ITGB1: variants seen among roughly 807,000 people sequenced by gnomAD.
ITGB1 encodes integrin beta-1.
ITGB1 carries 24 observed loss-of-function variants against 86.5 expected under a neutral mutation model. The observed-to-expected ratio is 0.28, with a 90% CI of 0.20 to 0.39. ITGB1 has a LOEUF of 0.39. ITGB1 is among the 10% of genes least tolerant of loss of function. ITGB1 has a pLI of 1.00. For missense variants in ITGB1, 556 were observed against 946.9 expected (o/e 0.59, Z 5.42); for synonymous variants, 323 against 316.8 (o/e 1.02, Z -0.21).
At chr10:32,922,516 A>C (rs952524991) in intron 8 of ITGB1, 124 bp downstream of exon 8, 5 of 760,212 alleles carry the variant, frequency 6.6e-6, no homozygotes, top group Non-Finnish European at 8.6e-6. Flanking sequence ...AATTAATATA[A>C]ACCACTTTTG....
rs927471427 is a variant in ITGB1, at chr10:32,935,898, T to C, written c.1-340A>G. 4.5e-5 allele frequency: 8 copies of C among 178,730 alleles called. No individual in the cohort carries two copies. In the South Asian group the frequency reaches 5.5e-4, roughly 12 times the overall value. 11.1% of individuals were successfully genotyped at this position (178,730 alleles called of 1,614,324 possible). A position where few individuals can be genotyped will look rare whatever the true frequency, so the allele number is the denominator to read the frequency against. On this transcript the variant is annotated intron_variant, in intron 1 of 15. Transcript: ENST00000302278. Reference sequence around the variant, plus strand: ...TCCTCAACACCATAAAACCTACCAATGGTCTCAGCCCATAGAATCTCTATC... The same window carrying C: ...TCCTCAACACCATAAAACCTACCAACGGTCTCAGCCCATAGAATCTCTATC...
rs1259362246 is a variant in ITGB1, at chr10:32,946,762, G to C, written c.1-11204C>G. Among the ~76,000 whole-genome samples, 4 of 55,158 alleles carry C rather than the reference G, an allele frequency of 7.3e-5. No homozygotes were observed. In the South Asian group the frequency reaches 2.5e-3, roughly 34 times the overall value. 36.2% of individuals were successfully genotyped at this position (55,158 alleles called of 152,430 possible). A position where few individuals can be genotyped will look rare whatever the true frequency, so the allele number is the denominator to read the frequency against. ...TGTATGTATTTCTGGGGGGGGGGGG[G>C]GGATTATTTTCCTTTTCTGCAGGTA... On this transcript the variant is annotated intron_variant, in intron 1 of 15. Coordinates refer to ENST00000302278, the MANE Select transcript of ITGB1 (RefSeq NM_002211.4).
chr10:32,907,222 CTT>C (rs578057365), intron 15 of ITGB1: 1 of 437,848 alleles, frequency 2.3e-6, no homozygotes, highest in Non-Finnish European at 4.0e-6. Context: ...CTATAAATGT[CTT>C]TTTTTTTATT....
chr10:32,902,386 A>G (rs957519562), intron 15 of ITGB1, among the ~76,000 whole-genome samples: 5 of 152,026 alleles, frequency 3.3e-5, no homozygotes, highest in African/African-American at 1.2e-4. Flanking sequence ...TTTTAAGCAG[A>G]AAAAAACATA....
chr10:32,950,298 G>T (rs1355661522), intron 1 of ITGB1, among the ~76,000 whole-genome samples: 1 of 152,076 alleles, frequency 6.6e-6, no homozygotes, highest in East Asian at 1.9e-4. Flanking sequence ...CACATAGAGA[G>T]TAATAAAAAC....
chr10:32,950,695 TCCCA>T (rs1307526025), intron 1 of ITGB1, among the ~76,000 whole-genome samples: 2 of 151,946 alleles, frequency 1.3e-5, no homozygotes, highest in Non-Finnish European at 2.9e-5. Context: ...AATTCACCAC[TCCCA>T]CCCAGAAGAA....
intron 13 of ITGB1, among the ~76,000 whole-genome samples, chr10:32,910,756 A>T (rs1220981438): frequency 5.3e-5 from 8 of 150,354 alleles, no homozygotes; most frequent in African/African-American, 1.9e-4. Flanking sequence ...AATCATAATA[A>T]TTTTTTTTTT....
chr10:32,940,084 G>A (rs955959389), intron 1 of ITGB1, among the ~76,000 whole-genome samples: 8 of 152,150 alleles, frequency 5.3e-5, no homozygotes, highest in Admixed American at 6.5e-5. Context: ...GGTGGCTCAC[G>A]CCTGTAATCC....
chr10:32,953,138 T>C (rs1231096520), intron 1 of ITGB1, among the ~76,000 whole-genome samples: 1 of 152,216 alleles, frequency 6.6e-6, no homozygotes, highest in Non-Finnish European at 1.5e-5. Flanking sequence ...CCTTCGCTCA[T>C]ACCATTCCAA....
Position 32,922,664 on chromosome 10 carries a change from A to T in ITGB1, c.1014T>A (p.Thr338=), listed in dbSNP as rs1233458668. The T allele has an allele frequency of 1.3e-6, 2 of 1,599,978 alleles. No individual in the cohort carries two copies. Among genetic ancestry groups the T allele is most frequent in the South Asian group, 1.1e-5 (1 of 90,162 alleles). ...CCTTGTAAACAGGCTGAAATTCTTCAGTAACTGCAAAAATTGTCTGAATAT... is the reference window on the plus strand; with the variant it reads ...CCTTGTAAACAGGCTGAAATTCTTCTGTAACTGCAAAAATTGTCTGAATAT... ...ENNIQTIFAV[T]EEFQPVYKEL... Residue 338 remains threonine, a synonymous_variant, in exon 8 of 16, where the codon ACT becomes ACA. Transcript: ENST00000302278.
intron 11 of ITGB1, among the ~76,000 whole-genome samples, chr10:32,914,052 T>C (rs1354088793): frequency 6.6e-6 from 1 of 152,224 alleles, no homozygotes; most frequent in African/African-American, 2.4e-5. Context: ...CAGAATTTCA[T>C]ATTAAGCCAA....
intron 14 of ITGB1, 75 bp downstream of exon 14, chr10:32,910,148 G>T: frequency 9.1e-7 from 1 of 1,093,362 alleles, no homozygotes; most frequent in Non-Finnish European, 1.3e-6. Flanking sequence ...GGCTGTTTCT[G>T]GATGTTAGGC....
intron 1 of ITGB1, among the ~76,000 whole-genome samples, chr10:32,943,957 A>C (rs1229333820): frequency 2.0e-5 from 3 of 152,234 alleles, no homozygotes; most frequent in Non-Finnish European, 4.4e-5. Flanking sequence ...CTCCAGTTGC[A>C]TAGGTAAAAA....
intron 1 of ITGB1, 128 bp from the exon 2 acceptor site, chr10:32,935,686 T>C (rs866847804): frequency 1.5e-6 from 1 of 670,668 alleles, no homozygotes; most frequent in African/African-American, 1.8e-5. Context: ...ACCATTTCAC[T>C]CCAGCCCCTC....
intron 1 of ITGB1, among the ~76,000 whole-genome samples, chr10:32,948,583 G>A (rs1236494993): frequency 1.3e-5 from 2 of 152,108 alleles, no homozygotes; most frequent in African/African-American, 4.8e-5. Flanking sequence ...ACTTTTAAGA[G>A]GTGATAAGGT....
chr10:32,915,740 C>A (rs1414153244), intron 11 of ITGB1, among the ~76,000 whole-genome samples: 1 of 152,080 alleles, frequency 6.6e-6, no homozygotes, highest in East Asian at 1.9e-4. Context: ...GAGGTACAAA[C>A]AGAAGCTGGT....
intron 7 of ITGB1, among the ~76,000 whole-genome samples, 163 bp from the exon 8 acceptor site, chr10:32,922,898 G>C (rs1289545896): frequency 6.6e-6 from 1 of 151,946 alleles, no homozygotes; most frequent in African/African-American, 2.4e-5. Context: ...ATTACATCTA[G>C]TTGCATACAT....
chr10:32,929,225 T>G (rs2094975346), intron 4 of ITGB1, among the ~76,000 whole-genome samples: 1 of 146,740 alleles, frequency 6.8e-6, no homozygotes, highest in African/African-American at 2.5e-5. Flanking sequence ...CTGACAAGGG[T>G]CCCCTGGGTC....
At chr10:32,911,700 G>C in intron 12 of ITGB1, 30 bp from the exon 13 acceptor site, 1 of 1,603,714 alleles carries the variant, frequency 6.2e-7, no homozygotes, top group Non-Finnish European at 8.5e-7. Context: ...TTCTCAAAAT[G>C]GTAAAAATAT....
Sources: gnomAD v4.1 joint callset for allele counts (sites outside exome capture counted in the v4.1 genomes callset) on GRCh38, gnomAD v4.1.1 for gene constraint, MANE v1.5 for transcripts, NCBI Gene and HGNC (gene_info 2026-07-23, HGNC 2026-07-21) for gene names.